LCORL: variants seen among roughly 807,000 people sequenced by gnomAD.
LCORL encodes the protein ligand dependent nuclear receptor corepressor like.
In LCORL, 41 loss-of-function variants were observed where a neutral mutation model predicts 141.8. The ratio of observed to expected loss-of-function variants is 0.29; its 90% CI spans 0.23 to 0.38. The LOEUF (loss-of-function observed/expected upper bound fraction) is 0.38. Ranked by LOEUF, LCORL falls within the 10% of genes least tolerant of loss-of-function variation. The pLI is 1.00. For missense variants in LCORL, 1,759 were observed against 2,035.0 expected, an observed-to-expected ratio of 0.86 and a Z score of 2.61; for synonymous variants, 618 against 694.1, an observed-to-expected ratio of 0.89 and a Z score of 1.72.
chr4:17,946,007 A>G (rs1175064428), intron 4 of LCORL, among the ~76,000 whole-genome samples: 1 of 152,038 alleles, frequency 6.6e-6, no homozygotes, highest in Admixed American at 6.6e-5. Context: ...CATCTAAGAC[A>G]TATAGATTTT....
At chr4:18,005,045 G>A (rs1054365971) in intron 1 of LCORL, among the ~76,000 whole-genome samples, 1 of 152,008 alleles carries the variant, frequency 6.6e-6, no homozygotes. Context: ...AGCCTCCCGA[G>A]TAGCTGGGAT....
intron 5 of LCORL, among the ~76,000 whole-genome samples, chr4:17,890,766 C>T (rs1263692314): frequency 2.0e-5 from 3 of 152,134 alleles, no homozygotes; most frequent in East Asian, 1.9e-4. Context: ...AATAAACTGA[C>T]GTTTCAAAAA....
At chr4:17,901,378 A>G (rs61131236) in intron 5 of LCORL, among the ~76,000 whole-genome samples, 15,260 of 147,104 alleles carry the variant, frequency 0.1, 1,789 homozygotes, top group African/African-American at 0.3. Context: ...GTGAAAAAGA[A>G]AATGAAATAA....
At chr4:17,888,779 C>A (rs1345798359) in intron 5 of LCORL, among the ~76,000 whole-genome samples, 1 of 152,116 alleles carries the variant, frequency 6.6e-6, no homozygotes, top group Non-Finnish European at 1.5e-5. Context: ...GTTCTGTCAT[C>A]TCATTTCTCT....
intron 3 of LCORL, among the ~76,000 whole-genome samples, chr4:17,962,405 T>C (rs1289551804): frequency 2.6e-5 from 4 of 152,062 alleles, no homozygotes; most frequent in African/African-American, 4.8e-5. Context: ...TTCTCAAGTT[T>C]TCAATTCTTC....
chr4:17,871,128 AAAG>A (rs750016754), intron 7 of LCORL, among the ~76,000 whole-genome samples: 4 of 152,060 alleles, frequency 2.6e-5, no homozygotes, highest in Non-Finnish European at 5.9e-5. Context: ...AAAAAGGCAA[AAAG>A]AAGTATGAGA....
chr4:17,936,506 C>G (rs866324695), intron 4 of LCORL, among the ~76,000 whole-genome samples: 1 of 152,046 alleles, frequency 6.6e-6, no homozygotes, highest in Non-Finnish European at 1.5e-5. Context: ...GTCTCACCAA[C>G]AAAAACAATA....
chr4:17,986,277 T>C (rs1718955429), intron 1 of LCORL, among the ~76,000 whole-genome samples: 1 of 152,170 alleles, frequency 6.6e-6, no homozygotes, highest in Admixed American at 6.5e-5. Context: ...GTTCTCTGTA[T>C]CTTCTGAATT....
chr4:17,901,598 G>T (rs999976202), intron 5 of LCORL, among the ~76,000 whole-genome samples: 1 of 152,072 alleles, frequency 6.6e-6, no homozygotes, highest in African/African-American at 2.4e-5. Context: ...CAGCACACAA[G>T]GGAAACACAG....
chr4:17,909,466 C>T (rs923855295), intron 4 of LCORL, 121 bp from the exon 5 acceptor site: 1 of 577,306 alleles, frequency 1.7e-6, no homozygotes, highest in Non-Finnish European at 2.8e-6. Flanking sequence ...TCCATAACTC[C>T]CAATGTTTTC....
At position 17,954,094 on chromosome 4, in the gene LCORL, T is replaced by C. The variant is rs181758136; in HGVS notation, c.430+7809A>G. 7.2e-5 allele frequency among the ~76,000 whole-genome samples: 11 copies of C among 151,794 alleles called. No individual in the cohort carries two copies. The East Asian group carries it at 1.9e-3, about 27-fold the overall frequency. On this transcript the variant is annotated intron_variant, in intron 4 of 7. Transcript: ENST00000635767. ...AGGAGAATGGCATGAACCTGGGAGGTGGAGCTTGCAGTGAGCCGAGATTGC... is the reference window on the plus strand; with the variant it reads ...AGGAGAATGGCATGAACCTGGGAGGCGGAGCTTGCAGTGAGCCGAGATTGC...
intron 5 of LCORL, among the ~76,000 whole-genome samples, chr4:17,899,268 T>C (rs1207191674): frequency 1.3e-5 from 2 of 152,176 alleles, no homozygotes; most frequent in African/African-American, 4.8e-5. Flanking sequence ...CATGAAGAAG[T>C]TTCTTTTGTT....
chr4:17,974,324 T>A (rs1003626276), intron 1 of LCORL, among the ~76,000 whole-genome samples: 1 of 152,082 alleles, frequency 6.6e-6, no homozygotes, highest in African/African-American at 2.4e-5. Context: ...TTTAGTTAAC[T>A]TCTTCTACTA....
At chr4:17,978,601 G>A (rs1717414101) in intron 1 of LCORL, among the ~76,000 whole-genome samples, 1 of 147,160 alleles carries the variant, frequency 6.8e-6, no homozygotes, top group African/African-American at 2.6e-5. Context: ...AAAAAGTTTA[G>A]CTTTCTTGGC....
chr4:17,882,984 T>G (rs1235089680), intron 6 of LCORL: 3 of 939,680 alleles, frequency 3.2e-6, no homozygotes, highest in Non-Finnish European at 3.8e-6. Flanking sequence ...GTACTCCATC[T>G]TATTATATTA....
chr4:17,842,448 C>CTAAT, exon 8 of LCORL: 1 of 1,289,236 alleles, frequency 7.8e-7, no homozygotes, highest in Non-Finnish European at 1.1e-6. Context: ...TAGAAAAAAA[C>CTAAT]TAATTTTCTT....
At chr4:17,849,087 C>G (rs1723304588) in intron 7 of LCORL, among the ~76,000 whole-genome samples, 1 of 152,246 alleles carries the variant, frequency 6.6e-6, no homozygotes, top group Non-Finnish European at 1.5e-5. Flanking sequence ...TCTGCAGGCT[C>G]CACCTCTGGG....
chr4:17,971,922 T>C (rs1167024825), intron 2 of LCORL, among the ~76,000 whole-genome samples: 2 of 151,710 alleles, frequency 1.3e-5, no homozygotes, highest in African/African-American at 2.4e-5. Context: ...TTGGATATGA[T>C]AGTTGAAAAA....
intron 7 of LCORL, among the ~76,000 whole-genome samples, chr4:17,859,016 G>C (rs1394344809): frequency 6.6e-6 from 1 of 152,196 alleles, no homozygotes; most frequent in Admixed American, 6.5e-5. Flanking sequence ...GTAAAGTACA[G>C]TCTCTGGCTT....
Sources: allele counts gnomAD v4.1 joint callset (sites outside exome capture counted in the v4.1 genomes callset), GRCh38; gene constraint gnomAD v4.1.1; transcripts MANE v1.5; gene names NCBI Gene and HGNC (gene_info 2026-07-23, HGNC 2026-07-21).